Variants in CEACAM5 observed in about 807,000 individuals in gnomAD.
CEACAM5 encodes CEA cell adhesion molecule 5, also known as cell adhesion molecule CEACAM5.
CEACAM5 carries 52 observed loss-of-function variants against 63.0 expected under a neutral mutation model. The ratio of observed to expected loss-of-function variants is 0.83; its 90% CI spans 0.66 to 1.04. The LOEUF (loss-of-function observed/expected upper bound fraction) is 1.04, where lower values mean the gene tolerates loss of function less well. Among genes scored for constraint, CEACAM5 ranks in the 50% least tolerant of loss-of-function variants. CEACAM5 has a pLI of 0.00. For missense variants in CEACAM5, 790 were observed against 864.8 expected, an observed-to-expected ratio of 0.91 and a Z score of 1.08; for synonymous variants, 357 against 351.3, an observed-to-expected ratio of 1.02 and a Z score of -0.18.
Position 41,708,748 on chromosome 19 carries a change from C to T in CEACAM5, c.17C>T (p.Ala6Val), listed in dbSNP as rs782150992. 1 of 1,611,466 alleles carries T rather than the reference C, an allele frequency of 6.2e-7. No individual in the cohort carries two copies. Among genetic ancestry groups the T allele is most frequent in the African/African-American group, 1.3e-5 (1 of 74,958 alleles). The change falls in exon 1 of 10, where the codon GCC (alanine) becomes GTC (valine). Residue 6 changes from alanine to valine, a missense_variant. Transcript: ENST00000221992. MESPS[A>V]PPHRWCIPWQ... ...GCAGAGACCATGGAGTCTCCCTCGG[C>T]CCCTCCCCACAGATGGTGCATCCCC...
At position 41,727,231 on chromosome 19, in the gene CEACAM5, C is replaced by T. The variant is rs2072712604; in HGVS notation, c.2027-3C>T. On this transcript the variant is annotated splice_region_variant and splice_polypyrimidine_tract_variant and intron_variant, in intron 8 of 9. Transcript: ENST00000221992. ...TCTTTTCTTTCCATGACGGACGATT[C>T]AGCATCTGGAACTTCTCCTGGTCTC... 2 of 1,610,648 alleles carry T rather than the reference C, an allele frequency of 1.2e-6. No individual in the cohort carries two copies. The highest frequency in any genetic ancestry group is 2.2e-5 in the East Asian group (1 of 44,884).
chr19:41,726,253 A>G (rs1428392565), intron 8 of CEACAM5, among the ~76,000 whole-genome samples: 1 of 152,230 alleles, frequency 6.6e-6, no homozygotes, highest in Non-Finnish European at 1.5e-5. Flanking sequence ...ATGACTTTGG[A>G]TAAGTTTTTT....
At chr19:41,723,586 T>C (rs929460637) in intron 8 of CEACAM5, among the ~76,000 whole-genome samples, 69 of 152,302 alleles carry the variant, frequency 4.5e-4, no homozygotes, top group African/African-American at 1.5e-3. Context: ...GATATATGAT[T>C]TGCAAATATA....
intron 8 of CEACAM5, among the ~76,000 whole-genome samples, chr19:41,725,165 T>C (rs1741724755): frequency 6.6e-6 from 1 of 152,212 alleles, no homozygotes; most frequent in African/African-American, 2.4e-5. Context: ...TGTGAAAGAA[T>C]GGTGAATTTT....
chr19:41,719,178 G>T (rs1431571908), intron 6 of CEACAM5, among the ~76,000 whole-genome samples: 1 of 152,210 alleles, frequency 6.6e-6, no homozygotes, highest in East Asian at 1.9e-4. Context: ...GACTCAACAT[G>T]GCAGGGAAGG....
In CEACAM5 at chr19:41,721,645, G is replaced by A. The variant is rs28547372; in HGVS notation, c.2026+469G>A. Among the ~76,000 whole-genome samples, 1,502 of 152,366 alleles carry A rather than the reference G, an allele frequency of 9.9e-3. 16 individuals are homozygous for A. Among genetic ancestry groups the A allele is most frequent in the Middle Eastern group, 0.034 (10 of 294 alleles). ...ATGAGGCAGGAGCAGCTCAGACTCTGCTCCCTGCTCTGCGCCCGGCTCACC... is the reference window on the plus strand; with the variant it reads ...ATGAGGCAGGAGCAGCTCAGACTCTACTCCCTGCTCTGCGCCCGGCTCACC... On this transcript the variant is annotated intron_variant, in intron 8 of 9. Coordinates refer to ENST00000221992, the MANE Select transcript of CEACAM5 (RefSeq NM_004363.6).
intron 2 of CEACAM5, among the ~76,000 whole-genome samples, chr19:41,713,863 T>C (rs1394524687): frequency 1.3e-5 from 2 of 152,142 alleles, no homozygotes; most frequent in African/African-American, 4.8e-5. Flanking sequence ...CCACATGTAT[T>C]TATGGAGAGA....
At position 41,721,318 on chromosome 19, in the gene CEACAM5, C is replaced by A. The variant is rs991029609; in HGVS notation, c.2026+142C>A. On this transcript the variant is annotated intron_variant, in intron 8 of 9. Coordinates refer to ENST00000221992, the MANE Select transcript of CEACAM5 (RefSeq NM_004363.6). ...TCCCAAATTCTATCCTGAGCCCCCT[C>A]ACTCCATCTCGGCCAACTCTCTCCT... The A allele has an allele frequency of 7.7e-6, 7 of 914,168 alleles. No individual in the cohort carries two copies. In the East Asian group the frequency reaches 1.2e-4, roughly 16 times the overall value. 56.6% of individuals were successfully genotyped at this position (914,168 alleles called of 1,614,324 possible). A position where few individuals can be genotyped will look rare whatever the true frequency, so the allele number is the denominator to read the frequency against.
At chr19:41,710,987 G>A (rs1043086467) in intron 2 of CEACAM5, among the ~76,000 whole-genome samples, 1 of 152,152 alleles carries the variant, frequency 6.6e-6, no homozygotes, top group Non-Finnish European at 1.5e-5. Flanking sequence ...CAGGCCATAG[G>A]TGTCAGATTG....
chr19:41,727,740 T>TA (rs1263582779), intron 9 of CEACAM5, among the ~76,000 whole-genome samples: 10 of 152,310 alleles, frequency 6.6e-5, no homozygotes, highest in Admixed American at 5.9e-4. Flanking sequence ...ACTGCCTCAT[T>TA]ACCTTCCTAA....
chr19:41,723,207 C>T (rs1351987663), intron 8 of CEACAM5, among the ~76,000 whole-genome samples: 2 of 152,070 alleles, frequency 1.3e-5, no homozygotes, highest in African/African-American at 2.4e-5. Context: ...CCACCGTGTC[C>T]GGCCCCAAAT....
rs1555814742 is a variant in CEACAM5, at chr19:41,715,229, C to T, written c.683C>T (p.Ser228Leu). Residue 228 changes from serine (S) to leucine (L), a missense_variant, in exon 3 of 10, where the codon TCA (serine) becomes TTA (leucine). Physicochemically the swap from Ser to Leu is moderately radical, Grantham distance 145. Transcript: ENST00000221992. ...CCAGTGAGTGCCAGGCGCAGTGATT[C>T]AGTCATCCTGAATGTCCTCTGTGAG... ...QNPVSARRSD[S>L]VILNVLYGPD... 1 of 1,614,234 alleles carries T rather than the reference C, an allele frequency of 6.2e-7. No homozygotes were observed. The highest frequency in any genetic ancestry group is 8.5e-7 in the Non-Finnish European group (1 of 1,180,036).
At chr19:41,722,899 GT>G (rs1397486946) in intron 8 of CEACAM5, among the ~76,000 whole-genome samples, 1 of 149,890 alleles carries the variant, frequency 6.7e-6, no homozygotes, top group African/African-American at 2.5e-5. Context: ...TTTTTTGTTT[GT>G]TTGTTTGTTT....
In CEACAM5 at chr19:41,714,970, G is replaced by A. The variant is rs201377769; in HGVS notation, c.425-1G>A. Reference sequence around the variant, plus strand: ...CAATCTTCTCTCTGTTATCTGCACAGCGGAGCTGCCCAAGCCCTCCATCTC... The same window carrying A: ...CAATCTTCTCTCTGTTATCTGCACAACGGAGCTGCCCAAGCCCTCCATCTC... On this transcript the variant is annotated splice_acceptor_variant, in intron 2 of 9. Transcript: ENST00000221992. LOFTEE classifies it high-confidence loss of function. The A allele has an allele frequency of 1.5e-5, 24 of 1,614,084 alleles. No individual in the cohort carries two copies. The African/African-American group carries it at 3.2e-4, about 22-fold the overall frequency.
chr19:41,710,027 T>C lies in CEACAM5; in HGVS notation c.412T>C (p.Phe138Leu), dbSNP rs2122768823. ...DLVNEEATGQ[F>L]RVYPELPKPS... ...TGTGAATGAAGAAGCAACTGGCCAG[T>C]TCCGGGTATACCGTGAGTGATTCCC... The change falls in exon 2 of 10, where the codon TTC (phenylalanine) becomes CTC (leucine). Residue 138 changes from phenylalanine (F) to leucine (L), a missense_variant. Phe to Leu is a conservative substitution (Grantham distance 22, BLOSUM62 0). Coordinates refer to ENST00000221992, the MANE Select transcript of CEACAM5 (RefSeq NM_004363.6). 1 of 1,599,016 alleles carries C rather than the reference T, an allele frequency of 6.3e-7. No individual in the cohort carries two copies.
In CEACAM5 at chr19:41,727,236, T is replaced by A; in HGVS notation, c.2029T>A (p.Ser677Thr). 6.2e-7 allele frequency: 1 copy of A among 1,612,602 alleles called. No individual in the cohort carries two copies. The highest frequency in any genetic ancestry group is 2.2e-5 in the East Asian group (1 of 44,878). ...SIVKSITVSASGTSPGLSAGA... is the reference protein window; with the variant it reads ...SIVKSITVSATGTSPGLSAGA... ...TCTTTCCATGACGGACGATTCAGCA[T>A]CTGGAACTTCTCCTGGTCTCTCAGC... Residue 677 changes from serine (S) to threonine (T), a missense_variant and splice_region_variant, in exon 9 of 10, where the codon TCT (serine) becomes ACT (threonine). Ser to Thr is a moderately conservative substitution (Grantham distance 58). Coordinates refer to ENST00000221992, the MANE Select transcript of CEACAM5 (RefSeq NM_004363.6).
rs1430571580 is a variant in CEACAM5 at position 41,717,498 on chromosome 19, C to T, written c.1002C>T (p.Pro334=). ...TCATCACCAGCAACAACTCCAACCC[C>T]GTGGAGGATGAGGATGCTGTAGCCT... The part of the protein sequence containing the change: ...KPFITSNNSN[P]VEDEDAVALT... Residue 334 remains proline (P), a synonymous_variant, in exon 5 of 10, where the codon CCC becomes CCT. Coordinates refer to ENST00000221992, the MANE Select transcript of CEACAM5 (RefSeq NM_004363.6). 4.3e-6 allele frequency: 7 copies of T among 1,614,220 alleles called. No homozygotes were observed. The highest frequency in any genetic ancestry group is 1.1e-5 in the South Asian group (1 of 91,084).
In CEACAM5 at chr19:41,719,953, T is replaced by G. The variant is rs782639484; in HGVS notation, c.1516T>G (p.Ser506Ala). The G allele has an allele frequency of 6.2e-7, 1 of 1,614,180 alleles. No individual in the cohort carries two copies. The highest frequency in any genetic ancestry group is 1.7e-5 in the Admixed American group (1 of 60,020). The change falls in exon 7 of 10, where the codon TCC (serine) becomes GCC (alanine). Residue 506 changes from serine (S) to alanine (A), a missense_variant. Physicochemically the swap from Ser to Ala is moderately conservative, Grantham distance 99. Transcript: ENST00000221992. ...AGCGGAGCTGCCCAAGCCCTCCATC[T>G]CCAGCAACAACTCCAAACCCGTGGA... Reference protein sequence around the residue: ...VSAELPKPSISSNNSKPVEDK... With the variant: ...VSAELPKPSIASNNSKPVEDK...
rs149933160 is a variant in CEACAM5, at chr19:41,717,588, G to A, written c.1092G>A (p.Pro364=). 3.9e-5 allele frequency: 63 copies of A among 1,614,018 alleles called. No individual in the cohort carries two copies. The highest frequency in any genetic ancestry group is 9.3e-5 in the African/African-American group (7 of 74,914). The change falls in exon 5 of 10, where the codon CCG becomes CCA. Residue 364 remains proline, a synonymous_variant. Coordinates refer to ENST00000221992, the MANE Select transcript of CEACAM5 (RefSeq NM_004363.6). ...YLWWVNNQSL[P]VSPRLQLSND... Reference sequence around the variant, plus strand: ...GGTGGGTAAATAATCAGAGCCTCCCGGTCAGTCCCAGGCTGCAGCTGTCCA... The same window carrying A: ...GGTGGGTAAATAATCAGAGCCTCCCAGTCAGTCCCAGGCTGCAGCTGTCCA...
Sources: gnomAD v4.1 joint callset for allele counts (sites outside exome capture counted in the v4.1 genomes callset) on GRCh38, gnomAD v4.1.1 for gene constraint, MANE v1.5 for transcripts, NCBI Gene and HGNC (gene_info 2026-07-23, HGNC 2026-07-21) for gene names.